Variants in GRID2 observed in about 807,000 individuals in gnomAD.
The protein encoded by GRID2 is glutamate ionotropic receptor delta type subunit 2, also known as glutamate receptor ionotropic, delta-2.
A neutral mutation model predicts 114.8 loss-of-function variants in GRID2; 33 were observed. The observed-to-expected ratio is 0.29, with a 90% CI of 0.22 to 0.38. The LOEUF is 0.38. Ranked by LOEUF, GRID2 falls within the 10% of genes least tolerant of loss-of-function variation. The pLI, the probability that GRID2 is intolerant of heterozygous loss-of-function variation, is 1.00. For missense variants in GRID2, 1,184 were observed against 1,257.7 expected (o/e 0.94, Z 0.89); for synonymous variants, 505 against 449.9 (o/e 1.12, Z -1.55).
intron 1 of GRID2, among the ~76,000 whole-genome samples, chr4:92,507,471 T>C (rs980433853): frequency 3.3e-5 from 5 of 151,758 alleles, no homozygotes; most frequent in Non-Finnish European, 7.4e-5. Context: ...ACTGTTTACT[T>C]GGTCCTCAAT....
chr4:92,914,425 A>G (rs1265109496), intron 2 of GRID2, among the ~76,000 whole-genome samples: 1 of 152,006 alleles, frequency 6.6e-6, no homozygotes, highest in Non-Finnish European at 1.5e-5. Flanking sequence ...TAATTTTTTT[A>G]CTTTTATTTC....
At chr4:92,603,391 TAC>T (rs1729312458) in intron 2 of GRID2, among the ~76,000 whole-genome samples, 1 of 151,290 alleles carries the variant, frequency 6.6e-6, no homozygotes, top group Non-Finnish European at 1.5e-5. Context: ...GAAATAAGAG[TAC>T]ACATCTACAA....
chr4:93,490,512 C>A, intron 11 of GRID2, 127 bp from the exon 12 acceptor site: 1 of 616,286 alleles, frequency 1.6e-6, no homozygotes, highest in Non-Finnish European at 2.9e-6. Context: ...ATATAGAGAT[C>A]TATGTTGATG....
chr4:92,715,655 G>A (rs1735507396), intron 2 of GRID2, among the ~76,000 whole-genome samples: 1 of 152,182 alleles, frequency 6.6e-6, no homozygotes, highest in Non-Finnish European at 1.5e-5. Context: ...AGTGAAGAGA[G>A]CGAGTGCAGG....
At chr4:92,839,020 A>G (rs1229648217) in intron 2 of GRID2, among the ~76,000 whole-genome samples, 1 of 152,094 alleles carries the variant, frequency 6.6e-6, no homozygotes, top group Non-Finnish European at 1.5e-5. Flanking sequence ...GATTAACACA[A>G]TGGATTATCT....
chr4:93,597,570 A>C (rs1739229731), intron 13 of GRID2, among the ~76,000 whole-genome samples: 1 of 152,150 alleles, frequency 6.6e-6, no homozygotes, highest in Non-Finnish European at 1.5e-5. Flanking sequence ...CTAGGAGAGA[A>C]CTTCCTATAA....
chr4:92,931,890 G>T (rs1425551746), intron 2 of GRID2, among the ~76,000 whole-genome samples: 1 of 150,876 alleles, frequency 6.6e-6, no homozygotes, highest in Non-Finnish European at 1.5e-5. Flanking sequence ...CTTTTTAATA[G>T]AAAATTCTCA....
At chr4:92,694,627 T>C (rs766790142) in intron 2 of GRID2, among the ~76,000 whole-genome samples, 27 of 152,234 alleles carry the variant, frequency 1.8e-4, no homozygotes, top group Admixed American at 1.2e-3. Context: ...TTTTGCTCTG[T>C]GTATGTCTTA....
chr4:93,809,144 A>T (rs1735086541), exon 2 of GRID2: 1 of 152,164 alleles, frequency 6.6e-6, no homozygotes, highest in Non-Finnish European at 1.5e-5. Context: ...ACACAAACAC[A>T]CAAACATCCA....
intron 2 of GRID2, among the ~76,000 whole-genome samples, chr4:92,690,254 G>A (rs531165384): frequency 4.6e-5 from 7 of 152,056 alleles, no homozygotes; most frequent in Admixed American, 2.6e-4. Flanking sequence ...CTTAGAGGCC[G>A]TTGTAGGCTT....
chr4:93,560,222 TAAAAAAAAAAAA>T lies in GRID2; in HGVS notation c.2193+44831_2193+44842del, dbSNP rs70942974. On this transcript the variant is annotated intron_variant, in intron 13 of 15. Transcript: ENST00000282020. ...TACGCATGTATTCCAGAACTTAAAG[TAAAAAAAAAAAA>T]AAAAAAAAAAAAAAAAAAACAGAAA... Among the ~76,000 whole-genome samples, 41 of 42,956 alleles carry T rather than the reference TAAAAAAAAAAAA, an allele frequency of 9.5e-4. 1 individual carries two copies. Among genetic ancestry groups the T allele is most frequent in the East Asian group, 8.8e-3 (6 of 678 alleles). The allele number at this position is 42,956 out of a possible 152,430, so 28.2% of individuals were successfully genotyped here.
At chr4:92,947,187 G>A (rs1751699968) in intron 2 of GRID2, among the ~76,000 whole-genome samples, 1 of 151,958 alleles carries the variant, frequency 6.6e-6, no homozygotes, top group Non-Finnish European at 1.5e-5. Flanking sequence ...GCACACATAA[G>A]TTCTAACTCT....
intron 2 of GRID2, among the ~76,000 whole-genome samples, chr4:93,084,547 G>A (rs1215230163): frequency 6.6e-6 from 1 of 152,030 alleles, no homozygotes; most frequent in Non-Finnish European, 1.5e-5. Flanking sequence ...TTATTCACCG[G>A]TTTACATATT....
chr4:92,744,987 C>T (rs959441033), intron 2 of GRID2, among the ~76,000 whole-genome samples: 26 of 152,074 alleles, frequency 1.7e-4, no homozygotes, highest in African/African-American at 6.3e-4. Context: ...AGTTTGAGGT[C>T]TGTAGGATCA....
Position 92,443,563 on chromosome 4 carries a change from G to A in GRID2, c.88+138819G>A, listed in dbSNP as rs150545146. Among the ~76,000 whole-genome samples the A allele has an allele frequency of 7.3e-3, 1,115 of 152,154 alleles. 12 individuals are homozygous for A. The highest frequency in any genetic ancestry group is 0.024 in the African/African-American group (1,016 of 41,496). On this transcript the variant is annotated intron_variant, in intron 1 of 15. Transcript: ENST00000282020. ...GGGCACAGAGATAAGAGGTCGGGAC[G>A]TGGAAATAAGTGATTGGGGCACAGA...
chr4:93,186,521 T>G (rs1740437203), intron 4 of GRID2, among the ~76,000 whole-genome samples: 1 of 152,220 alleles, frequency 6.6e-6, no homozygotes, highest in East Asian at 1.9e-4. Flanking sequence ...CATATAAAAC[T>G]AATAATGTAA....
At chr4:92,653,601 A>G (rs184246560) in intron 2 of GRID2, among the ~76,000 whole-genome samples, 1 of 152,118 alleles carries the variant, frequency 6.6e-6, no homozygotes, top group Non-Finnish European at 1.5e-5. Flanking sequence ...TATCAAATAT[A>G]TTTTGGTAAA....
intron 4 of GRID2, among the ~76,000 whole-genome samples, chr4:93,159,327 A>G (rs1579148875): frequency 6.6e-6 from 1 of 151,856 alleles, no homozygotes; most frequent in African/African-American, 2.4e-5. Flanking sequence ...ATCCAGGACT[A>G]TCTGTAGAAG....
intron 2 of GRID2, among the ~76,000 whole-genome samples, chr4:92,699,356 A>G (rs576358335): frequency 6.6e-6 from 1 of 152,284 alleles, no homozygotes; most frequent in East Asian, 1.9e-4. Context: ...GGCAGTTAAA[A>G]GCTCAATTTT....
Sources: allele counts gnomAD v4.1 joint callset (sites outside exome capture counted in the v4.1 genomes callset), GRCh38; gene constraint gnomAD v4.1.1; transcripts MANE v1.5; gene names NCBI Gene and HGNC (gene_info 2026-07-23, HGNC 2026-07-21).